Variants in ADCY10 observed in about 807,000 individuals in gnomAD.
ADCY10 encodes adenylate cyclase 10, also known as adenylate cyclase type 10.
A neutral mutation model predicts 183.3 loss-of-function variants in ADCY10; 156 were observed. That is an observed-to-expected ratio of 0.85 (90% confidence interval 0.75 to 0.97). The LOEUF (loss-of-function observed/expected upper bound fraction) is 0.97, where lower values mean the gene tolerates loss of function less well. ADCY10 is among the 50% of genes least tolerant of loss of function. The probability of loss-of-function intolerance (pLI) is 0.00; values close to 1 mark genes in which losing one functional copy is unlikely to be tolerated. For synonymous variants in ADCY10, 645 were observed against 670.0 expected (o/e 0.96, Z 0.58); for missense variants, 1,745 against 1,934.3 (o/e 0.90, Z 1.84).
At chr1:167,903,851 A>G in intron 3 of ADCY10, 36 bp downstream of exon 3, 2 of 1,470,138 alleles carry the variant, frequency 1.4e-6, no homozygotes, top group South Asian at 1.1e-5. Flanking sequence ...AATGAATTGA[A>G]ATATTCTCAA....
At chr1:167,820,154 T>C (rs893905352) in intron 30 of ADCY10, 28 of 1,545,854 alleles carry the variant, frequency 1.8e-5, no homozygotes, top group Non-Finnish European at 2.3e-5. Context: ...CTTAATTTCC[T>C]GCCCCGCAGA....
At chr1:167,891,960 C>A (rs1386239492) in intron 8 of ADCY10, among the ~76,000 whole-genome samples, 1 of 150,706 alleles carries the variant, frequency 6.6e-6, no homozygotes, top group East Asian at 1.9e-4. Context: ...AACCAATGTG[C>A]TAATTTTTTT....
At chr1:167,847,955 C>A (rs1318610846) in intron 19 of ADCY10, among the ~76,000 whole-genome samples, 1 of 152,206 alleles carries the variant, frequency 6.6e-6, no homozygotes, top group African/African-American at 2.4e-5. Context: ...CAGTACAGAG[C>A]AAACAGACAA....
chr1:167,829,985 A>G (rs1325241426), intron 25 of ADCY10, among the ~76,000 whole-genome samples: 1 of 152,252 alleles, frequency 6.6e-6, no homozygotes, highest in East Asian at 1.9e-4. Context: ...ATCCCAATTC[A>G]CTATGCCAAA....
At chr1:167,831,343 C>A (rs552435611) in intron 25 of ADCY10, among the ~76,000 whole-genome samples, 1 of 152,270 alleles carries the variant, frequency 6.6e-6, no homozygotes, top group East Asian at 1.9e-4. Flanking sequence ...GTGCACGCCA[C>A]CACGCCTGGC....
At chr1:167,811,454 G>T (rs982490432) in intron 31 of ADCY10, among the ~76,000 whole-genome samples, 1 of 152,162 alleles carries the variant, frequency 6.6e-6, no homozygotes, top group African/African-American at 2.4e-5. Context: ...AGGCATGGTC[G>T]TGCACGCCTG....
intron 21 of ADCY10, among the ~76,000 whole-genome samples, chr1:167,838,065 G>A (rs574341044): frequency 6.6e-6 from 1 of 152,326 alleles, no homozygotes; most frequent in Non-Finnish European, 1.5e-5. Context: ...GGTGGAGGCA[G>A]GACTAGAACT....
At chr1:167,831,442 C>G (rs569655975) in intron 25 of ADCY10, among the ~76,000 whole-genome samples, 20 of 152,322 alleles carry the variant, frequency 1.3e-4, no homozygotes, top group African/African-American at 4.6e-4. Flanking sequence ...AATCCGCCCC[C>G]CTCAGCCTCC....
rs79898706 is a variant in ADCY10, at chr1:167,854,342, G to A, written c.2308+11C>T. The A allele has an allele frequency of 8.4e-4, 1,358 of 1,614,034 alleles. 8 individuals are homozygous for A. The African/African-American group carries it at 0.016, about 19-fold the overall frequency. ...AACAGAGTAAGAAAGAACCATCACC[G>A]CAGGACTTACTGAACAGGTTATTCC... On this transcript the variant is annotated intron_variant, in intron 18 of 32. Coordinates refer to ENST00000367851, the MANE Select transcript of ADCY10 (RefSeq NM_018417.6).
chr1:167,871,308 T>C (rs1057283725), intron 13 of ADCY10, among the ~76,000 whole-genome samples: 2 of 152,216 alleles, frequency 1.3e-5, no homozygotes, highest in Non-Finnish European at 2.9e-5. Flanking sequence ...TCAGAAATCA[T>C]GTACAGATTA....
chr1:167,809,502 A>G lies in ADCY10; in HGVS notation c.*176T>C, dbSNP rs1480473106. ...TTGTAACATTAGGAAGAAGTAAACC[A>G]TGACACTCCTGACCCTTGTAGGCCC... On this transcript the variant is annotated 3_prime_UTR_variant, in exon 33 of 33. Transcript: ENST00000367851. The G allele has an allele frequency of 1.0e-5, 7 of 695,058 alleles. No individual in the cohort carries two copies. Among genetic ancestry groups the G allele is most frequent in the Non-Finnish European group, 1.7e-5 (7 of 417,978 alleles). 43.1% of individuals were successfully genotyped at this position (695,058 alleles called of 1,614,324 possible).
chr1:167,887,803 T>C (rs1220512860), intron 8 of ADCY10, among the ~76,000 whole-genome samples: 2 of 151,914 alleles, frequency 1.3e-5, no homozygotes, highest in Admixed American at 1.3e-4. Flanking sequence ...CTTGATGTTA[T>C]CCCATCTGTC....
At position 167,818,125 on chromosome 1, in the gene ADCY10, G is replaced by A. The variant is rs774635806; in HGVS notation, c.4429C>T (p.Gln1477Ter). 2.5e-5 allele frequency: 41 copies of A among 1,614,038 alleles called. No individual in the cohort carries two copies. The highest frequency in any genetic ancestry group is 1.2e-4 in the South Asian group (11 of 91,082). ...GCATTCTCTGACTGTTCTTTGATTT[G>A]TTTTTGAAGGTGAAGAACTTGCCCC... is the stretch of plus-strand genomic sequence containing the variant. ...MEGQVLHLQK[Q>*]IKEQSENAQA... Residue 1477 changes from glutamine to a stop codon, truncating the protein, a stop_gained, in exon 31 of 33, where the codon CAA (glutamine) becomes TAA (stop). Transcript: ENST00000367851. LOFTEE classifies it high-confidence loss of function.
intron 26 of ADCY10, among the ~76,000 whole-genome samples, chr1:167,825,249 G>A (rs1663194994): frequency 6.6e-6 from 1 of 151,742 alleles, no homozygotes; most frequent in African/African-American, 2.4e-5. Flanking sequence ...CCTCTGTGAT[G>A]TTTGTTATAA....
In ADCY10 at chr1:167,819,547, A is replaced by G. The variant is rs191050021; in HGVS notation, c.4287-1280T>C. On this transcript the variant is annotated intron_variant, in intron 30 of 32. Coordinates refer to ENST00000367851, the MANE Select transcript of ADCY10 (RefSeq NM_018417.6). ...AGCCACTGCTCCTGGCCTGCTTATG[A>G]TTTTTTTATTTTTTATTTTTTTTTA... 4.5e-3 allele frequency among the ~76,000 whole-genome samples: 665 copies of G among 146,266 alleles called. 12 individuals are homozygous for G. The highest frequency in any genetic ancestry group is 6.8e-3 in the East Asian group (33 of 4,824).
intron 18 of ADCY10, among the ~76,000 whole-genome samples, chr1:167,849,272 G>A (rs1267737596): frequency 6.6e-6 from 1 of 152,184 alleles, no homozygotes; most frequent in African/African-American, 2.4e-5. Flanking sequence ...TACTATCAGA[G>A]ATATTTTAAA....
intron 9 of ADCY10, 36 bp downstream of exon 9, chr1:167,883,401 C>G: frequency 6.2e-7 from 1 of 1,607,000 alleles, no homozygotes; most frequent in Non-Finnish European, 8.5e-7. Flanking sequence ...TAACCTAAAA[C>G]TATTGGTAGG....
chr1:167,891,030 C>T (rs773789693), intron 8 of ADCY10, among the ~76,000 whole-genome samples: 11 of 152,002 alleles, frequency 7.2e-5, no homozygotes, highest in Non-Finnish European at 1.3e-4. Context: ...GGCGCAATCT[C>T]GGCTCACTGC....
chr1:167,880,643 G>T, intron 9 of ADCY10, 34 bp from the exon 10 acceptor site: 1 of 1,507,196 alleles, frequency 6.6e-7, no homozygotes, highest in South Asian at 1.1e-5. Context: ...CACAGCTGAT[G>T]GACAGTGTGC....
Sources: allele counts gnomAD v4.1 joint callset (sites outside exome capture counted in the v4.1 genomes callset), GRCh38; gene constraint gnomAD v4.1.1; transcripts MANE v1.5; gene names NCBI Gene and HGNC (gene_info 2026-07-23, HGNC 2026-07-21).